The following UTP25 variants were observed in gnomAD, a reference collection of about 807,000 sequenced individuals.
UTP25 encodes U3 small nucleolar RNA-associated protein 25 homolog.
Under a neutral mutation model 78.9 loss-of-function variants are expected in UTP25, and 50 were observed. That is an observed-to-expected ratio of 0.63 (90% confidence interval 0.50 to 0.80). The LOEUF (loss-of-function observed/expected upper bound fraction) is 0.80, where lower values mean the gene tolerates loss of function less well. Ranked by LOEUF, UTP25 falls within the 30% of genes least tolerant of loss-of-function variation. UTP25 has a pLI of 0.00. For synonymous variants in UTP25, 329 were observed against 336.5 expected, an observed-to-expected ratio of 0.98 and a Z score of 0.24; for missense variants, 846 against 911.3, an observed-to-expected ratio of 0.93 and a Z score of 0.92.
rs552610223 is a variant in UTP25, at chr1:209,843,772, T to C, written c.2027+76T>C. The C allele has an allele frequency of 1.2e-5, 18 of 1,521,754 alleles. No individual in the cohort carries two copies. The Admixed American group carries it at 1.5e-4, about 13-fold the overall frequency. 94.3% of individuals were successfully genotyped at this position (1,521,754 alleles called of 1,614,324 possible). A position where few individuals can be genotyped will look rare whatever the true frequency, so the allele number is the denominator to read the frequency against. ...CAAATCATGGCCTGCTCTGAATGCA[T>C]GGCAGGCTTCGTGGTGTTGAGATCA... is the stretch of plus-strand genomic sequence containing the variant. On this transcript the variant is annotated intron_variant, in intron 11 of 11. Transcript: ENST00000491415.
intron 10 of UTP25, chr1:209,842,952 A>AT (rs2078175956): frequency 2.2e-6 from 1 of 455,388 alleles, no homozygotes; most frequent in African/African-American, 2.0e-5. Context: ...TGACTGTGGC[A>AT]TTTTAAAATT....
At chr1:209,835,054 C>T (rs765804352) in intron 4 of UTP25, 21 bp from the exon 5 acceptor site, 24 of 1,601,574 alleles carry the variant, frequency 1.5e-5, no homozygotes, top group Non-Finnish European at 1.7e-5. Flanking sequence ...AGTGTGCTGA[C>T]ATTTTTTATT....
intron 11 of UTP25, among the ~76,000 whole-genome samples, chr1:209,846,296 G>C (rs550544088): frequency 3.4e-4 from 52 of 152,326 alleles, no homozygotes; most frequent in Admixed American, 5.9e-4. Flanking sequence ...TTTATGTGGG[G>C]AAGATTAAAC....
rs1387862331 is a variant in UTP25 at position 209,843,852 on chromosome 1, C to T, written c.2027+156C>T. The T allele has an allele frequency of 2.9e-6, 3 of 1,028,542 alleles. No individual in the cohort carries two copies. The African/African-American group carries it at 4.8e-5, about 17-fold the overall frequency. The allele number at this position is 1,028,542 out of a possible 1,614,324, so 63.7% of individuals were successfully genotyped here. Reference sequence around the variant, plus strand: ...CCAGAGAGTTTTTGGTTTGGACAGACTCTTCTTGGTTGGTTAGTTGGTTTT... The same window carrying T: ...CCAGAGAGTTTTTGGTTTGGACAGATTCTTCTTGGTTGGTTAGTTGGTTTT... On this transcript the variant is annotated intron_variant, in intron 11 of 11. Coordinates refer to ENST00000491415, the MANE Select transcript of UTP25 (RefSeq NM_014388.7).
rs1342494713 is a variant in UTP25, at chr1:209,840,860, A to G, written c.1290A>G (p.Ala430=). 3.1e-6 allele frequency: 5 copies of G among 1,612,134 alleles called. No homozygotes were observed. The Admixed American group carries it at 8.3e-5, about 27-fold the overall frequency. The part of the protein sequence containing the change: ...NIDDHFRIGV[A]ILQRSIRLYA... ...CTTGGCTGTTTTGTGTAGGAGTGGC[A>G]ATACTTCAGAGAAGCATCCGACTCT... The change falls in exon 8 of 12, where the codon GCA becomes GCG. Residue 430 remains alanine, a synonymous_variant. Coordinates refer to ENST00000491415, the MANE Select transcript of UTP25 (RefSeq NM_014388.7).
intron 11 of UTP25, 184 bp downstream of exon 11, chr1:209,843,880 C>T: frequency 1.3e-6 from 1 of 757,940 alleles, no homozygotes; most frequent in Non-Finnish European, 2.1e-6. Flanking sequence ...TTGGTTTTCT[C>T]CCAAAATGGG....
At position 209,854,785 on chromosome 1, in the gene UTP25, A is replaced by G. The variant is rs1212757136; in HGVS notation, c.*3338A>G. 2.0e-5 allele frequency: 3 copies of G among 152,242 alleles called. No individual in the cohort carries two copies. Among genetic ancestry groups the G allele is most frequent in the Non-Finnish European group, 2.9e-5 (2 of 68,086 alleles). The allele number at this position is 152,242 out of a possible 1,614,324, so 9.4% of individuals were successfully genotyped here. ...CCAACTGCAGGGGCCTGAGGTGCCCAAAGCTTCGTGGAAAAGTAATGTCAG... is the reference window on the plus strand; with the variant it reads ...CCAACTGCAGGGGCCTGAGGTGCCCGAAGCTTCGTGGAAAAGTAATGTCAG... On this transcript the variant is annotated 3_prime_UTR_variant, in exon 12 of 12. Coordinates refer to ENST00000491415, the MANE Select transcript of UTP25 (RefSeq NM_014388.7).
intron 1 of UTP25, 125 bp downstream of exon 1, chr1:209,828,295 C>A (rs2078081150): frequency 1.4e-6 from 1 of 728,398 alleles, no homozygotes; most frequent in East Asian, 3.0e-5. Flanking sequence ...CTGTGCTCGG[C>A]CGGGGAGATT....
At chr1:209,838,660 T>C in intron 6 of UTP25, 1 of 540,546 alleles carries the variant, frequency 1.8e-6, no homozygotes, top group South Asian at 2.4e-5. Flanking sequence ...ATTTCCAAAT[T>C]CTGCTTGAGA....
chr1:209,839,382 A>G (rs926927300), intron 7 of UTP25, among the ~76,000 whole-genome samples: 1 of 152,216 alleles, frequency 6.6e-6, no homozygotes, highest in African/African-American at 2.4e-5. Flanking sequence ...ACAGAAATTT[A>G]TAGCAAGTTT....
At chr1:209,843,814 T>G (rs1232159440) in intron 11 of UTP25, 118 bp downstream of exon 11, 10 of 1,357,748 alleles carry the variant, frequency 7.4e-6, no homozygotes, top group Middle Eastern at 2.6e-4. Context: ...ACTCTCGCAC[T>G]CTTACAAAGT....
chr1:209,828,226 G>A (rs2078080010), intron 1 of UTP25, 56 bp downstream of exon 1: 1 of 1,348,152 alleles, frequency 7.4e-7, no homozygotes, highest in African/African-American at 1.4e-5. Context: ...CTCGAGTTTG[G>A]TCCTCTGGTC....
Position 209,830,858 on chromosome 1 carries a change from A to C in UTP25, c.203A>C (p.Gln68Pro), listed in dbSNP as rs1442440100. Reference protein sequence around the residue: ...SESDSESEPQQVSGYHRLLAT... With the variant: ...SESDSESEPQPVSGYHRLLAT... Reference sequence around the variant, plus strand: ...AGCGACTCAGAGAGTGAACCACAACAAGTTTCTGGCTACCACAGACTACTT... The same window carrying C: ...AGCGACTCAGAGAGTGAACCACAACCAGTTTCTGGCTACCACAGACTACTT... The change falls in exon 3 of 12, where the codon CAA (glutamine) becomes CCA (proline). Residue 68 changes from glutamine to proline, a missense_variant. Gln to Pro is a moderately conservative substitution (Grantham distance 76). Transcript: ENST00000491415. The C allele has an allele frequency of 3.1e-6, 5 of 1,614,070 alleles. No homozygotes were observed. Among genetic ancestry groups the C allele is most frequent in the Non-Finnish European group, 4.2e-6 (5 of 1,179,922 alleles).
At chr1:209,846,139 G>T (rs949946915) in intron 11 of UTP25, among the ~76,000 whole-genome samples, 1 of 152,138 alleles carries the variant, frequency 6.6e-6, no homozygotes, top group Non-Finnish European at 1.5e-5. Context: ...TTACAGGCAT[G>T]AGCCACCGTG....
At position 209,857,168 on chromosome 1, in the gene UTP25, ATC is replaced by A. The variant is rs914662282; in HGVS notation, c.*5725_*5726del. The A allele has an allele frequency of 2.0e-5, 3 of 151,950 alleles. No homozygotes were observed. The highest frequency in any genetic ancestry group is 6.6e-5 in the Admixed American group (1 of 15,258). The allele number at this position is 151,950 out of a possible 1,614,324, so 9.4% of individuals were successfully genotyped here. A position where few individuals can be genotyped will look rare whatever the true frequency, so the allele number is the denominator to read the frequency against. On this transcript the variant is annotated 3_prime_UTR_variant, in exon 12 of 12. Transcript: ENST00000491415. ...GGTGCTCATTGTGGCTTTTCTAATC[ATC>A]TCTGATTGTTAGAAACACTGTGAAA...
intron 6 of UTP25, 63 bp downstream of exon 6, chr1:209,837,274 C>T (rs1358593187): frequency 3.9e-6 from 6 of 1,529,764 alleles, no homozygotes; most frequent in Non-Finnish European, 5.3e-6. Context: ...CATAGAGGTG[C>T]CTGACACTTA....
chr1:209,843,211 T>G, intron 10 of UTP25: 1 of 544,474 alleles, frequency 1.8e-6, no homozygotes, highest in Non-Finnish European at 3.3e-6. Context: ...CTAGAGTAAT[T>G]CTCTGGGATA....
In UTP25 at chr1:209,843,487, T is replaced by C; in HGVS notation, c.1818T>C (p.Tyr606=). Residue 606 remains tyrosine, a synonymous_variant, in exon 11 of 12, where the codon TAT becomes TAC. Coordinates refer to ENST00000491415, the MANE Select transcript of UTP25 (RefSeq NM_014388.7). The part of the protein sequence containing the change: ...NFFVNKILPQ[Y]RDAVMSHTLI... ...TTGTGAACAAGATTTTGCCACAGTA[T>C]CGTGATGCAGTCATGTCTCACACGC... The C allele has an allele frequency of 7.4e-6, 12 of 1,614,132 alleles. No individual in the cohort carries two copies. The highest frequency in any genetic ancestry group is 1.0e-5 in the Non-Finnish European group (12 of 1,180,006).
chr1:209,841,426 TTTGCTTA>T (rs1038668751), intron 8 of UTP25, among the ~76,000 whole-genome samples: 1 of 152,224 alleles, frequency 6.6e-6, no homozygotes, highest in Non-Finnish European at 1.5e-5. Context: ...ACATGTGGTT[TTTGCTTA>T]TGCTGTTTTG....
Sources: allele counts gnomAD v4.1 joint callset (sites outside exome capture counted in the v4.1 genomes callset), GRCh38; gene constraint gnomAD v4.1.1; transcripts MANE v1.5; gene names NCBI Gene and HGNC (gene_info 2026-07-23, HGNC 2026-07-21).